RBFOX1: variants seen among roughly 807,000 people sequenced by gnomAD.
RBFOX1 encodes RNA binding protein fox-1 homolog 1.
In RBFOX1, 8 loss-of-function variants were observed where a neutral mutation model predicts 57.7. The observed-to-expected ratio is 0.14, with a 90% CI of 0.08 to 0.25. The LOEUF is 0.25. Ranked by LOEUF, RBFOX1 falls within the 10% of genes least tolerant of loss-of-function variation. The pLI, the probability that RBFOX1 is intolerant of heterozygous loss-of-function variation, is 1.00. For synonymous variants in RBFOX1, 326 were observed against 222.4 expected, an observed-to-expected ratio of 1.47 and a Z score of -4.15; for missense variants, 611 against 548.5, an observed-to-expected ratio of 1.11 and a Z score of -1.14.
At chr16:6,014,573 G>T (rs991738408), upstream of RBFOX1, among the ~76,000 whole-genome samples, 8 of 152,104 alleles carry the variant, frequency 5.3e-5, no homozygotes, top group Admixed American at 2.6e-4. Context: ...AAGGACTGAG[G>T]GGGGAACAGA....
chr16:7,635,956 G>T (rs191098003), intron 11 of RBFOX1, among the ~76,000 whole-genome samples: 3 of 151,998 alleles, frequency 2.0e-5, no homozygotes, highest in African/African-American at 7.2e-5. Flanking sequence ...GACTACAGGC[G>T]CCCGCCACCA....
At chr16:5,902,711 C>T (rs572784564) in intron 4 of RBFOX1, among the ~76,000 whole-genome samples, 4 of 152,254 alleles carry the variant, frequency 2.6e-5, no homozygotes, top group Admixed American at 2.6e-4. Context: ...CCACCGTGCC[C>T]GGCCTTATTT....
rs938686328 is a variant in RBFOX1 at position 6,431,143 on chromosome 16, A to G, written c.-64+114086A>G. On this transcript the variant is annotated intron_variant, in intron 2 of 15. Coordinates refer to ENST00000550418, the MANE Select transcript of RBFOX1 (RefSeq NM_018723.4). ...ACAGAGCAAGATCCTATCTCAAAAA[A>G]TAAAATTAAAAAGATGCTACTGCAA... is the stretch of plus-strand genomic sequence containing the variant. 2.6e-5 allele frequency among the ~76,000 whole-genome samples: 4 copies of G among 152,094 alleles called. No homozygotes were observed. In the East Asian group the frequency reaches 7.8e-4, roughly 30 times the overall value.
intron 2 of RBFOX1, among the ~76,000 whole-genome samples, chr16:6,580,222 G>C (rs939086067): frequency 3.3e-5 from 5 of 152,172 alleles, no homozygotes; most frequent in African/African-American, 1.2e-4. Context: ...CTCCCAAAGT[G>C]CTGGGATTAC....
chr16:5,558,897 G>A (rs1228975883), intron 2 of RBFOX1, among the ~76,000 whole-genome samples: 1 of 152,152 alleles, frequency 6.6e-6, no homozygotes, highest in East Asian at 1.9e-4. Flanking sequence ...GTTAAAATGT[G>A]CAGTGTCTGG....
intron 2 of RBFOX1, among the ~76,000 whole-genome samples, chr16:6,622,360 A>G (rs2098245338): frequency 6.6e-6 from 1 of 152,146 alleles, no homozygotes. Context: ...TTTTCTATGT[A>G]TAGATAGATT....
At chr16:6,318,482 T>C (rs912307936) in intron 2 of RBFOX1, among the ~76,000 whole-genome samples, 2 of 152,148 alleles carry the variant, frequency 1.3e-5, no homozygotes, top group African/African-American at 4.8e-5. Flanking sequence ...CCTTTGTTGG[T>C]GCTTGGGCAG....
At position 7,075,896 on chromosome 16, in the gene RBFOX1, C is replaced by G. The variant is rs115376044; in HGVS notation, c.27+23798C>G. On this transcript the variant is annotated intron_variant, in intron 4 of 15. Transcript: ENST00000550418. ...CGCCCGGCCTGGGCTTGCATTTCAA[C>G]ATGTAAACAATTTCCTGTAACTGAA... Among the ~76,000 whole-genome samples the G allele has an allele frequency of 3.2e-3, 481 of 151,826 alleles. 3 individuals are homozygous for G. The highest frequency in any genetic ancestry group is 0.011 in the African/African-American group (445 of 41,410).
chr16:6,612,274 C>T (rs1001728703), intron 2 of RBFOX1, among the ~76,000 whole-genome samples: 2 of 152,104 alleles, frequency 1.3e-5, no homozygotes, highest in African/African-American at 4.8e-5. Context: ...TTTGCATGAT[C>T]ACAACACATT....
intron 1 of RBFOX1, among the ~76,000 whole-genome samples, chr16:6,304,631 C>A (rs573667055): frequency 6.6e-6 from 1 of 152,046 alleles, no homozygotes; most frequent in African/African-American, 2.4e-5. Context: ...GCCTGTAATC[C>A]CAGCACTTTG....
intron 3 of RBFOX1, among the ~76,000 whole-genome samples, chr16:6,655,733 T>G (rs919153142): frequency 1.3e-5 from 2 of 152,196 alleles, no homozygotes; most frequent in African/African-American, 4.8e-5. Flanking sequence ...ACATACCTCC[T>G]GGCTACTTTT....
At chr16:5,396,706 C>G (rs991584277) in intron 1 of RBFOX1, among the ~76,000 whole-genome samples, 2 of 152,180 alleles carry the variant, frequency 1.3e-5, no homozygotes, top group Non-Finnish European at 2.9e-5. Context: ...CCTACCTTAT[C>G]AGTCATGGAC....
intron 3 of RBFOX1, among the ~76,000 whole-genome samples, chr16:5,668,131 A>G (rs1465187805): frequency 6.6e-6 from 1 of 152,182 alleles, no homozygotes; most frequent in Non-Finnish European, 1.5e-5. Flanking sequence ...AAATACAAAA[A>G]TTAGCTAGGC....
intron 3 of RBFOX1, among the ~76,000 whole-genome samples, chr16:6,947,774 C>T (rs759760212): frequency 2.0e-5 from 3 of 152,094 alleles, no homozygotes; most frequent in Non-Finnish European, 4.4e-5. Context: ...TACATTTTCT[C>T]TTGCTCTTTT....
chr16:7,086,487 T>A (rs1324069810), intron 4 of RBFOX1, among the ~76,000 whole-genome samples: 1 of 152,174 alleles, frequency 6.6e-6, no homozygotes, highest in Non-Finnish European at 1.5e-5. Context: ...ATGATGTGTT[T>A]CAGTAATGGA....
At chr16:5,429,724 C>T (rs908934445) in intron 1 of RBFOX1, among the ~76,000 whole-genome samples, 1 of 152,222 alleles carries the variant, frequency 6.6e-6, no homozygotes, top group Non-Finnish European at 1.5e-5. Context: ...AAATACATCA[C>T]TGTGCCATAA....
intron 1 of RBFOX1, among the ~76,000 whole-genome samples, chr16:5,335,894 T>C (rs1340086477): frequency 6.6e-6 from 1 of 152,152 alleles, no homozygotes; most frequent in Non-Finnish European, 1.5e-5. Context: ...ATGGTAATTA[T>C]ACCTGCCATA....
At chr16:5,852,772 G>C (rs554055214) in intron 3 of RBFOX1, among the ~76,000 whole-genome samples, 3 of 152,222 alleles carry the variant, frequency 2.0e-5, no homozygotes, top group African/African-American at 7.2e-5. Flanking sequence ...TGAGGCTGCA[G>C]TGAGTTATGA....
chr16:7,268,900 G>A (rs2095246636), intron 4 of RBFOX1, among the ~76,000 whole-genome samples: 1 of 151,852 alleles, frequency 6.6e-6, no homozygotes, highest in South Asian at 2.1e-4. Flanking sequence ...AGCCAAGCGT[G>A]GTGGCAAATG....
Sources: allele counts gnomAD v4.1 joint callset (sites outside exome capture counted in the v4.1 genomes callset), GRCh38; gene constraint gnomAD v4.1.1; transcripts MANE v1.5; gene names NCBI Gene and HGNC (gene_info 2026-07-23, HGNC 2026-07-21).